MDGA2: variants seen among roughly 807,000 people sequenced by gnomAD.
MDGA2 encodes the protein MAM domain-containing glycosylphosphatidylinositol anchor protein 2.
In MDGA2, 40 loss-of-function variants were observed where a neutral mutation model predicts 117.8. That is an observed-to-expected ratio of 0.34 (90% confidence interval 0.26 to 0.44). The LOEUF is 0.44. Ranked by LOEUF, MDGA2 falls within the 20% of genes least tolerant of loss-of-function variation. The pLI is 1.00. For missense variants in MDGA2, 1,123 were observed against 1,250.6 expected (o/e 0.90, Z 1.54); for synonymous variants, 452 against 439.0 (o/e 1.03, Z -0.37).
At chr14:47,306,126 A>G (rs1243317107) in intron 1 of MDGA2, 1 of 152,222 alleles carries the variant, frequency 6.6e-6, no homozygotes, top group Non-Finnish European at 1.5e-5. Flanking sequence ...CAGACATAGG[A>G]GAGACACTGG....
chr14:47,117,108 A>G lies in MDGA2; in HGVS notation c.925+14606T>C, dbSNP rs916463848. ...GATTCAAAAATGGGATAAAGATTTG[A>G]ACAGACATTCTCCAAAGAAGACACA... is the stretch of plus-strand genomic sequence containing the variant. On this transcript the variant is annotated intron_variant, in intron 5 of 16. Coordinates refer to ENST00000399232, the MANE Select transcript of MDGA2 (RefSeq NM_001113498.3). Among the ~76,000 whole-genome samples, 3 of 152,284 alleles carry G rather than the reference A, an allele frequency of 2.0e-5. No individual in the cohort carries two copies. The South Asian group carries it at 6.2e-4, about 32-fold the overall frequency.
At chr14:47,451,916 A>G (rs570189988) in intron 1 of MDGA2, among the ~76,000 whole-genome samples, 7 of 152,292 alleles carry the variant, frequency 4.6e-5, no homozygotes, top group African/African-American at 1.7e-4. Context: ...ATGAATAGTC[A>G]GAAAGTATAT....
At chr14:47,524,896 G>C (rs1894940512) in intron 1 of MDGA2, among the ~76,000 whole-genome samples, 1 of 152,148 alleles carries the variant, frequency 6.6e-6, no homozygotes, top group African/African-American at 2.4e-5. Context: ...ACAACCATCA[G>C]TCACTAGAAT....
chr14:47,290,260 T>C (rs1182766391), intron 2 of MDGA2, among the ~76,000 whole-genome samples: 1 of 152,014 alleles, frequency 6.6e-6, no homozygotes, highest in Non-Finnish European at 1.5e-5. Flanking sequence ...ACCTCATGAA[T>C]GGGATTAGTA....
chr14:46,962,952 T>C (rs1464400671), intron 8 of MDGA2, among the ~76,000 whole-genome samples: 3 of 152,194 alleles, frequency 2.0e-5, no homozygotes, highest in African/African-American at 7.2e-5. Flanking sequence ...AGGAGCTGCA[T>C]GTTTTAGAGA....
At chr14:47,553,764 A>G (rs1218832488) in intron 1 of MDGA2, among the ~76,000 whole-genome samples, 1 of 152,206 alleles carries the variant, frequency 6.6e-6, no homozygotes, top group African/African-American at 2.4e-5. Context: ...ATATGGCATA[A>G]AAGTATATAT....
At chr14:47,113,835 GA>G (rs1192593805) in intron 5 of MDGA2, among the ~76,000 whole-genome samples, 4 of 152,116 alleles carry the variant, frequency 2.6e-5, no homozygotes, top group Non-Finnish European at 5.9e-5. Context: ...CATTCCCCTT[GA>G]AAATCAGCAC....
intron 1 of MDGA2, among the ~76,000 whole-genome samples, chr14:47,606,540 C>G (rs1192934109): frequency 6.6e-6 from 1 of 151,930 alleles, no homozygotes; most frequent in South Asian, 2.1e-4. Flanking sequence ...TAATTGAGAC[C>G]TGACTGTGTG....
chr14:46,923,184 A>C (rs1884198577), intron 9 of MDGA2, among the ~76,000 whole-genome samples: 1 of 152,184 alleles, frequency 6.6e-6, no homozygotes, highest in Admixed American at 6.5e-5. Flanking sequence ...AAAATATTGC[A>C]AATATATCAA....
chr14:47,430,011 G>T (rs1312748216), intron 1 of MDGA2, among the ~76,000 whole-genome samples: 1 of 149,918 alleles, frequency 6.7e-6, no homozygotes, highest in East Asian at 2.0e-4. Context: ...GTGGGAAAGA[G>T]AGGAGGACAG....
In MDGA2 at chr14:47,081,823, GA is replaced by G. The variant is rs551025451; in HGVS notation, c.1195+15030del. The stretch of plus-strand genomic sequence containing the variant: ...AATTTAAATTTTGTCATCATTTTCT[GA>G]TGGAACCATTTGCCAATTATTGTTT... On this transcript the variant is annotated intron_variant, in intron 6 of 16. Coordinates refer to ENST00000399232, the MANE Select transcript of MDGA2 (RefSeq NM_001113498.3). 2.5e-4 allele frequency among the ~76,000 whole-genome samples: 38 copies of G among 152,194 alleles called. No individual in the cohort carries two copies. The East Asian group carries it at 4.1e-3, about 16-fold the overall frequency.
chr14:47,234,965 C>T lies in MDGA2; in HGVS notation c.421-16770G>A, dbSNP rs147999344. Among the ~76,000 whole-genome samples, 392 of 152,064 alleles carry T rather than the reference C, an allele frequency of 2.6e-3. 2 individuals carry two copies. Among genetic ancestry groups the T allele is most frequent in the African/African-American group, 8.8e-3 (364 of 41,482 alleles). On this transcript the variant is annotated intron_variant, in intron 2 of 16. Transcript: ENST00000399232. ...GTTCATATGTGTAACAATTTGAACACGTAATTATGATATCTAATTATATAA... is the reference window on the plus strand; with the variant it reads ...GTTCATATGTGTAACAATTTGAACATGTAATTATGATATCTAATTATATAA...
chr14:47,474,946 C>T (rs1292751727), intron 1 of MDGA2, among the ~76,000 whole-genome samples: 1 of 152,010 alleles, frequency 6.6e-6, no homozygotes, highest in African/African-American at 2.4e-5. Context: ...ACGAAAATGC[C>T]AAAAGCTATT....
At chr14:47,075,446 G>C (rs1242436087) in intron 6 of MDGA2, among the ~76,000 whole-genome samples, 2 of 152,174 alleles carry the variant, frequency 1.3e-5, no homozygotes, top group Non-Finnish European at 2.9e-5. Context: ...TCATCAGATT[G>C]ATTGTTGTCA....
intron 1 of MDGA2, among the ~76,000 whole-genome samples, chr14:47,422,940 T>A (rs1566448916): frequency 6.6e-6 from 1 of 152,202 alleles, no homozygotes; most frequent in Non-Finnish European, 1.5e-5. Context: ...GATAGGTAGA[T>A]AGATATTCAG....
At chr14:47,369,400 G>T (rs1039739939) in intron 1 of MDGA2, among the ~76,000 whole-genome samples, 2 of 152,044 alleles carry the variant, frequency 1.3e-5, no homozygotes, top group Admixed American at 1.3e-4. Flanking sequence ...TTCTGGAAAT[G>T]GAAGTACTTA....
In MDGA2 at chr14:47,224,306, T is replaced by C. The variant is rs201104729; in HGVS notation, c.421-6111A>G. On this transcript the variant is annotated intron_variant, in intron 2 of 16. Transcript: ENST00000399232. ...TCTGATATAGATATAGATATAGATA[T>C]AGATATAGATATAGATATAGATATT... 2.0e-5 allele frequency among the ~76,000 whole-genome samples: 3 copies of C among 151,842 alleles called. No homozygotes were observed. In the East Asian group the frequency reaches 5.8e-4, roughly 29 times the overall value.
intron 1 of MDGA2, among the ~76,000 whole-genome samples, chr14:47,511,423 CA>C (rs1476966340): frequency 1.3e-5 from 2 of 152,110 alleles, no homozygotes; most frequent in Non-Finnish European, 2.9e-5. Context: ...CTTGTATTTA[CA>C]TACTGAATCT....
At chr14:47,429,562 TTG>T (rs1892757997) in intron 1 of MDGA2, among the ~76,000 whole-genome samples, 1 of 152,144 alleles carries the variant, frequency 6.6e-6, no homozygotes, top group African/African-American at 2.4e-5. Flanking sequence ...CATCTCTGCA[TTG>T]TGACTTATCA....
Sources: gnomAD v4.1 joint callset for allele counts (sites outside exome capture counted in the v4.1 genomes callset) on GRCh38, gnomAD v4.1.1 for gene constraint, MANE v1.5 for transcripts, NCBI Gene and HGNC (gene_info 2026-07-23, HGNC 2026-07-21) for gene names.